Variants in DNAAF9 observed in about 807,000 individuals in gnomAD.
The protein encoded by DNAAF9 is dynein axonemal assembly factor 9.
DNAAF9 carries 90 observed loss-of-function variants against 167.0 expected under a neutral mutation model. The observed-to-expected ratio is 0.54, with a 90% CI of 0.45 to 0.64. The LOEUF (loss-of-function observed/expected upper bound fraction) is 0.64. Ranked by LOEUF, DNAAF9 falls within the 30% of genes least tolerant of loss-of-function variation. The pLI is 0.00. For missense variants in DNAAF9, 1,315 were observed against 1,442.2 expected, an observed-to-expected ratio of 0.91 and a Z score of 1.43; for synonymous variants, 491 against 508.8, an observed-to-expected ratio of 0.96 and a Z score of 0.47.
chr20:3,324,868 T>C (rs1345744059), intron 14 of DNAAF9, 24 bp downstream of exon 14: 2 of 1,278,186 alleles, frequency 1.6e-6, no homozygotes, highest in Non-Finnish European at 2.2e-6. Flanking sequence ...AAATTCCTTA[T>C]AAAAAATATC....
At chr20:3,318,437 G>C (rs2069549680) in intron 16 of DNAAF9, 37 bp from the exon 17 acceptor site, 2 of 1,030,704 alleles carry the variant, frequency 1.9e-6, no homozygotes, top group Non-Finnish European at 3.1e-6. Context: ...TCAGTTACCA[G>C]CCCAAAACTT....
In DNAAF9 at chr20:3,372,775, T is replaced by A. The variant is rs1014332244; in HGVS notation, c.612+1273A>T. Among the ~76,000 whole-genome samples, 13 of 152,184 alleles carry A rather than the reference T, an allele frequency of 8.5e-5. No individual in the cohort carries two copies. The Middle Eastern group carries it at 0.01, about 119-fold the overall frequency. ...TCATTTAATTGCTCTTGAACGGGGA[T>A]GTACCTCAGAGGGTTACTATACCTA... On this transcript the variant is annotated intron_variant, in intron 6 of 36. Coordinates refer to ENST00000252032, the MANE Select transcript of DNAAF9 (RefSeq NM_001009984.3).
chr20:3,296,974 A>T, intron 22 of DNAAF9, 25 bp from the exon 23 acceptor site: 1 of 1,412,062 alleles, frequency 7.1e-7, no homozygotes, highest in African/African-American at 1.4e-5. Flanking sequence ...ATTTGAGCAA[A>T]GAACACTTTA....
chr20:3,402,765 G>T (rs1170238216), intron 1 of DNAAF9, among the ~76,000 whole-genome samples: 1 of 151,822 alleles, frequency 6.6e-6, no homozygotes, highest in Non-Finnish European at 1.5e-5. Context: ...TTTGAACTTT[G>T]TAAAGATGGG....
chr20:3,358,863 C>T (rs1398261265), intron 7 of DNAAF9, among the ~76,000 whole-genome samples: 1 of 152,102 alleles, frequency 6.6e-6, no homozygotes, highest in Admixed American at 6.5e-5. Context: ...TGAGAGACAC[C>T]ACTGACCTGC....
intron 9 of DNAAF9, 45 bp from the exon 10 acceptor site, chr20:3,340,684 G>A (rs1568615354): frequency 1.2e-6 from 2 of 1,601,210 alleles, no homozygotes; most frequent in Non-Finnish European, 8.6e-7. Context: ...AGAGTTCCTG[G>A]CCAAGGCAAC....
chr20:3,322,331 C>T lies in DNAAF9; in HGVS notation c.1311-69G>A, dbSNP rs138786902. On this transcript the variant is annotated intron_variant, in intron 15 of 36. Coordinates refer to ENST00000252032, the MANE Select transcript of DNAAF9 (RefSeq NM_001009984.3). ...AGTGTACTTAAATTTACAGTGTTTG[C>T]TTTTTTCAACTTGGCAATGACAAGT... 9.1e-6 allele frequency: 11 copies of T among 1,215,178 alleles called. No individual in the cohort carries two copies. In the Middle Eastern group the frequency reaches 5.7e-4, roughly 63 times the overall value. The allele number at this position is 1,215,178 out of a possible 1,614,324, so 75.3% of individuals were successfully genotyped here.
intron 20 of DNAAF9, among the ~76,000 whole-genome samples, chr20:3,313,100 C>T (rs148776009): frequency 2.0e-5 from 3 of 152,328 alleles, no homozygotes; most frequent in Non-Finnish European, 4.4e-5. Context: ...AATATCCCGG[C>T]TAAATATTAT....
rs1354036969 is a variant in DNAAF9, at chr20:3,332,429, A to G, written c.982-68T>C. ...TAGGCATGTACTAGTAGATAAACAA[A>G]AAGTATAGAGTCAATGGAAATAAAT... is the stretch of plus-strand genomic sequence containing the variant. On this transcript the variant is annotated intron_variant, in intron 10 of 36. Coordinates refer to ENST00000252032, the MANE Select transcript of DNAAF9 (RefSeq NM_001009984.3). 3 of 801,554 alleles carry G rather than the reference A, an allele frequency of 3.7e-6. No individual in the cohort carries two copies. In the African/African-American group the frequency reaches 5.2e-5, roughly 14 times the overall value. 49.7% of individuals were successfully genotyped at this position (801,554 alleles called of 1,614,324 possible).
intron 27 of DNAAF9, among the ~76,000 whole-genome samples, chr20:3,283,638 T>G (rs1475450745): frequency 5.9e-5 from 9 of 152,262 alleles, no homozygotes; most frequent in Admixed American, 5.9e-4. Context: ...TAAGCAGGGC[T>G]GGCGTGTGCA....
intron 31 of DNAAF9, among the ~76,000 whole-genome samples, chr20:3,261,404 T>C (rs1159656628): frequency 1.3e-5 from 2 of 152,052 alleles, no homozygotes; most frequent in African/African-American, 2.4e-5. Context: ...TGTCTTGCTC[T>C]GTCACCCAGG....
At chr20:3,288,631 T>C (rs2068894589) in intron 26 of DNAAF9, among the ~76,000 whole-genome samples, 1 of 152,218 alleles carries the variant, frequency 6.6e-6, no homozygotes, top group Non-Finnish European at 1.5e-5. Context: ...GCCGACTCTC[T>C]ATGCAATTTC....
intron 10 of DNAAF9, among the ~76,000 whole-genome samples, chr20:3,335,528 G>A (rs781093797): frequency 2.0e-5 from 3 of 149,372 alleles, no homozygotes; most frequent in South Asian, 2.1e-4. Flanking sequence ...AGGTCGAGGC[G>A]GGTGGATCAC....
intron 12 of DNAAF9, among the ~76,000 whole-genome samples, chr20:3,327,534 T>C (rs2069733410): frequency 6.6e-6 from 1 of 152,146 alleles, no homozygotes; most frequent in Non-Finnish European, 1.5e-5. Context: ...TGACAAGGTC[T>C]CACCTAAAAA....
At chr20:3,271,607 A>G (rs995259341) in intron 29 of DNAAF9, among the ~76,000 whole-genome samples, 11 of 149,954 alleles carry the variant, frequency 7.3e-5, no homozygotes, top group African/African-American at 2.7e-4. Flanking sequence ...GTTATTCAAT[A>G]ATTTTTATTT....
intron 20 of DNAAF9, among the ~76,000 whole-genome samples, chr20:3,310,972 T>C (rs1026196239): frequency 6.6e-6 from 1 of 152,180 alleles, no homozygotes; most frequent in Non-Finnish European, 1.5e-5. Flanking sequence ...ACAATCAATT[T>C]GTAAAACAGT....
rs2068189131 is a variant in DNAAF9, at chr20:3,251,210, C to T, written c.*1362G>A. 1 of 151,466 alleles carries T rather than the reference C, an allele frequency of 6.6e-6. No individual in the cohort carries two copies. Among genetic ancestry groups the T allele is most frequent in the African/African-American group, 2.4e-5 (1 of 41,186 alleles). 9.4% of individuals were successfully genotyped at this position (151,466 alleles called of 1,614,324 possible). A position where few individuals can be genotyped will look rare whatever the true frequency, so the allele number is the denominator to read the frequency against. On this transcript the variant is annotated 3_prime_UTR_variant, in exon 37 of 37. Transcript: ENST00000252032. ...AGCTGCTTTGCTACTTGCATGCAGG[C>T]CTCTGTGTGACCAGGCACACAGACT...
At chr20:3,274,893 G>C (rs1412576754) in intron 29 of DNAAF9, among the ~76,000 whole-genome samples, 1 of 152,174 alleles carries the variant, frequency 6.6e-6, no homozygotes. Context: ...GGTTTAGATG[G>C]GGGGCAAGGA....
At chr20:3,298,476 C>A (rs1336954766) in intron 21 of DNAAF9, among the ~76,000 whole-genome samples, 1 of 152,104 alleles carries the variant, frequency 6.6e-6, no homozygotes, top group Non-Finnish European at 1.5e-5. Flanking sequence ...TGCCACTATG[C>A]CTGGCTAATT....
Sources: gnomAD v4.1 joint callset for allele counts (sites outside exome capture counted in the v4.1 genomes callset) on GRCh38, gnomAD v4.1.1 for gene constraint, MANE v1.5 for transcripts, NCBI Gene and HGNC (gene_info 2026-07-23, HGNC 2026-07-21) for gene names.